EEF1G: variants seen among roughly 807,000 people sequenced by gnomAD.
EEF1G encodes the protein elongation factor 1-gamma.
EEF1G carries 14 observed loss-of-function variants against 58.3 expected under a neutral mutation model. The ratio of observed to expected loss-of-function variants is 0.24; its 90% CI spans 0.16 to 0.38. The LOEUF is 0.38. Among genes scored for constraint, EEF1G ranks in the 10% least tolerant of loss-of-function variants. The pLI, the probability that EEF1G is intolerant of heterozygous loss-of-function variation, is 1.00. For missense variants in EEF1G, 322 were observed against 550.1 expected, an observed-to-expected ratio of 0.59 and a Z score of 4.15; for synonymous variants, 180 against 206.8, an observed-to-expected ratio of 0.87 and a Z score of 1.11.
intron 7 of EEF1G, among the ~76,000 whole-genome samples, chr11:62,561,921 AAGG>A (rs566722689): frequency 6.9e-4 from 105 of 152,162 alleles, no homozygotes; most frequent in Non-Finnish European, 1.1e-3. Context: ...CCCCTTCCAC[AAGG>A]AGTTGACCTG....
chr11:62,569,313 A>G (rs1941596801), intron 5 of EEF1G, among the ~76,000 whole-genome samples: 1 of 152,120 alleles, frequency 6.6e-6, no homozygotes, highest in Non-Finnish European at 1.5e-5. Context: ...CATCTCTGCT[A>G]AAAATACAAA....
chr11:62,560,777 G>A (rs1325273480), intron 7 of EEF1G, among the ~76,000 whole-genome samples: 2 of 152,100 alleles, frequency 1.3e-5, no homozygotes, highest in Non-Finnish European at 2.9e-5. Context: ...GCCCTCCCCA[G>A]GCTGTTTTCC....
chr11:62,566,782 C>A (rs1941560240), intron 7 of EEF1G, 24 bp downstream of exon 7: 2 of 1,611,794 alleles, frequency 1.2e-6, no homozygotes, highest in Non-Finnish European at 8.5e-7. Context: ...TGGTCCCACA[C>A]CCTCCACCCT....
intron 1 of EEF1G, 73 bp downstream of exon 1, chr11:62,573,758 G>A (rs879717418): frequency 1.2e-6 from 2 of 1,604,914 alleles, no homozygotes; most frequent in Non-Finnish European, 1.7e-6. Context: ...CTCCTCTGGC[G>A]CCGACTGGCC....
rs1222059466 is a variant in EEF1G at position 62,560,152 on chromosome 11, C to A, written c.1072G>T (p.Ala358Ser). 3 of 1,614,028 alleles carry A rather than the reference C, an allele frequency of 1.9e-6. No individual in the cohort carries two copies. Among genetic ancestry groups the A allele is most frequent in the South Asian group, 2.2e-5 (2 of 91,086 alleles). ...TTGGTTCCAAAAAGGATGACACTGGCGAAGGCATTCTTCCTCAGCTTGTCC... is the reference window on the plus strand; with the variant it reads ...TTGGTTCCAAAAAGGATGACACTGGAGAAGGCATTCTTCCTCAGCTTGTCC... ...RLDKLRKNAF[A>S]SVILFGTNNS... The change falls in exon 9 of 10, where the codon GCC (alanine) becomes TCC (serine). Residue 358 changes from alanine (A) to serine (S), a missense_variant. Ala to Ser is a moderately conservative substitution (Grantham distance 99). Around this residue, in one of 3 missense-constraint regions of EEF1G, gnomAD observed 208 missense variants for 323.7 expected, o/e 0.64. Transcript: ENST00000329251.
At chr11:62,570,562 TTTTG>T (rs1277554246) in intron 5 of EEF1G, among the ~76,000 whole-genome samples, 1 of 152,078 alleles carries the variant, frequency 6.6e-6, no homozygotes, top group Non-Finnish European at 1.5e-5. Flanking sequence ...CCTGGCTGTT[TTTTG>T]TTTGTTTTGA....
chr11:62,564,465 CAA>C (rs1251249189), intron 7 of EEF1G, among the ~76,000 whole-genome samples: 18 of 52,216 alleles, frequency 3.4e-4, no homozygotes, highest in Admixed American at 6.7e-4. Context: ...CTCTGTCTCA[CAA>C]AAAAAAAAAA....
chr11:62,566,684 T>C (rs1487968386), intron 7 of EEF1G, 122 bp downstream of exon 7: 10 of 948,256 alleles, frequency 1.1e-5, no homozygotes, highest in African/African-American at 1.7e-5. Flanking sequence ...GCAACTAAAA[T>C]ATACCTTTAA....
intron 6 of EEF1G, 21 bp from the exon 7 acceptor site, chr11:62,567,031 A>G (rs764241530): frequency 3.7e-6 from 6 of 1,612,418 alleles, no homozygotes; most frequent in Non-Finnish European, 5.1e-6. Flanking sequence ...GGAAGGCAGG[A>G]AAGTGAACGA....
chr11:62,561,267 G>A (rs967081340), intron 7 of EEF1G, among the ~76,000 whole-genome samples: 4 of 151,966 alleles, frequency 2.6e-5, no homozygotes, highest in Admixed American at 1.3e-4. Flanking sequence ...TTAGCTGGGC[G>A]TGGTGGCAGG....
intron 1 of EEF1G, 39 bp downstream of exon 1, chr11:62,573,792 G>A (rs1435133386): frequency 1.2e-6 from 2 of 1,613,364 alleles, no homozygotes; most frequent in Non-Finnish European, 1.7e-6. Context: ...GGATGGCGGT[G>A]GATAGGATGA....
At chr11:62,571,759 A>G in intron 3 of EEF1G, 77 bp from the exon 4 acceptor site, 3 of 1,561,942 alleles carry the variant, frequency 1.9e-6, no homozygotes, top group Non-Finnish European at 2.6e-6. Flanking sequence ...ATTCCTTCAT[A>G]TCCACCCCCG....
intron 5 of EEF1G, among the ~76,000 whole-genome samples, chr11:62,569,712 T>C (rs1285906218): frequency 1.3e-5 from 2 of 152,224 alleles, no homozygotes; most frequent in Non-Finnish European, 2.9e-5. Context: ...GGTTCCACAG[T>C]ACTTGGGTTC....
At chr11:62,567,261 T>A in intron 6 of EEF1G, 138 bp downstream of exon 6, 2 of 1,209,638 alleles carry the variant, frequency 1.7e-6, no homozygotes, top group Non-Finnish European at 2.3e-6. Context: ...AAACTGCACA[T>A]AATATTAGCT....
chr11:62,570,875 TCAG>T, intron 5 of EEF1G, 87 bp downstream of exon 5: 1 of 1,564,862 alleles, frequency 6.4e-7, no homozygotes, highest in South Asian at 1.1e-5. Flanking sequence ...TTCCAAGTCC[TCAG>T]CAGAATACAG....
intron 2 of EEF1G, 52 bp downstream of exon 2, chr11:62,572,532 G>A (rs1473173255): frequency 5.6e-6 from 9 of 1,602,074 alleles, no homozygotes; most frequent in Non-Finnish European, 7.7e-6. Flanking sequence ...TGACAGAATC[G>A]CAGGGCCTTG....
intron 7 of EEF1G, among the ~76,000 whole-genome samples, chr11:62,564,443 AAC>A: frequency 6.7e-6 from 1 of 150,110 alleles, no homozygotes; most frequent in African/African-American, 2.5e-5. Flanking sequence ...CAACCTGGGC[AAC>A]AGAGTGAGAC....
In EEF1G at chr11:62,559,606, T is replaced by C; in HGVS notation, c.*73A>G. 1.9e-6 allele frequency: 3 copies of C among 1,558,654 alleles called. No homozygotes were observed. The highest frequency in any genetic ancestry group is 2.3e-5 in the South Asian group (2 of 87,118). On this transcript the variant is annotated 3_prime_UTR_variant, in exon 10 of 10. Coordinates refer to ENST00000329251, the MANE Select transcript of EEF1G (RefSeq NM_001404.5). ...GGAGGCAGGACAGGAAAGGGTTCAA[T>C]GTTCAGTTTCCTTTAATGACCCCCA...
chr11:62,564,758 C>CAAAAAAAAAAAAA (rs34663205), intron 7 of EEF1G, among the ~76,000 whole-genome samples: 1 of 75,054 alleles, frequency 1.3e-5, no homozygotes, highest in Non-Finnish European at 2.1e-5. Flanking sequence ...GACTCCATCT[C>CAAAAAAAAAAAAA]AAAAAAAAAA....
Sources: allele counts gnomAD v4.1 joint callset (sites outside exome capture counted in the v4.1 genomes callset), GRCh38; gene constraint gnomAD v4.1.1; regional missense constraint gnomAD v4.1.1; transcripts MANE v1.5; gene names NCBI Gene and HGNC (gene_info 2026-07-23, HGNC 2026-07-21).